OR1F1: variants seen among roughly 807,000 people sequenced by gnomAD.
OR1F1 encodes olfactory receptor family 1 subfamily F member 1.
For synonymous variants in OR1F1, 184 were observed against 156.7 expected, an observed-to-expected ratio of 1.17 and a Z score of -1.30; for missense variants, 493 against 376.3, an observed-to-expected ratio of 1.31 and a Z score of -2.57.
At chr16:3,198,220 G>A in the OR1F1 span, among the ~76,000 whole-genome samples, 2 of 151,966 alleles carry the variant, frequency 1.3e-5, no homozygotes, top group Admixed American at 6.6e-5. Flanking sequence ...AGGCTAACAG[G>A]TCCCCAAGTA....
At chr16:3,193,958 C>G in the OR1F1 span, among the ~76,000 whole-genome samples, 1 of 152,162 alleles carries the variant, frequency 6.6e-6, no homozygotes, top group Admixed American at 6.5e-5. Context: ...CCTCCTAAGC[C>G]AGGGATTGTG....
At chr16:3,192,962 C>A in the OR1F1 span, among the ~76,000 whole-genome samples, 44,672 of 151,972 alleles carry the variant, frequency 0.29, 7,509 homozygotes, top group African/African-American at 0.47. Flanking sequence ...TTTGAAATGG[C>A]GTCTTCCTCT....
At chr16:3,204,417 C>A (rs749787550) in exon 1 of OR1F1, 4 of 1,614,120 alleles carry the variant, frequency 2.5e-6, no homozygotes, top group East Asian at 2.2e-5. Flanking sequence ...GCCTGCACAC[C>A]CCCATGTACT....
At chr16:3,197,338 A>G in the OR1F1 span, among the ~76,000 whole-genome samples, 20 of 152,182 alleles carry the variant, frequency 1.3e-4, no homozygotes, top group Non-Finnish European at 2.8e-4. Flanking sequence ...TCTTAATAAT[A>G]CATTTTATTT....
chr16:3,203,508 GTAATCCCA>G (rs1596325022), upstream of OR1F1, among the ~76,000 whole-genome samples: 2 of 152,226 alleles, frequency 1.3e-5, no homozygotes, highest in Non-Finnish European at 1.5e-5. Context: ...GCTCACGCCT[GTAATCCCA>G]GCACCTTGGG....
chr16:3,191,127 A>G, the OR1F1 span: 1 of 152,192 alleles, frequency 6.6e-6, no homozygotes, highest in Non-Finnish European at 1.5e-5. Flanking sequence ...AATTTGCCCG[A>G]TACACAGCAG....
At chr16:3,205,214 C>A, downstream of OR1F1, 2 of 1,519,346 alleles carry the variant, frequency 1.3e-6, no homozygotes, top group East Asian at 2.3e-5. Flanking sequence ...ATCTCATTCC[C>A]AAGGAAATTT....
At chr16:3,192,205 C>T in the OR1F1 span, among the ~76,000 whole-genome samples, 3 of 152,154 alleles carry the variant, frequency 2.0e-5, no homozygotes, top group Non-Finnish European at 4.4e-5. Flanking sequence ...TACAGGTGCC[C>T]GCCACCACGC....
upstream of OR1F1, among the ~76,000 whole-genome samples, chr16:3,202,891 T>C (rs776141519): frequency 2.6e-4 from 40 of 152,090 alleles, no homozygotes; most frequent in Non-Finnish European, 4.7e-4. Context: ...GTTACTAGCT[T>C]TTCTAAGGCT....
chr16:3,200,907 A>T (rs1355977750), upstream of OR1F1, among the ~76,000 whole-genome samples: 2 of 152,190 alleles, frequency 1.3e-5, no homozygotes, highest in Non-Finnish European at 2.9e-5. Context: ...TGTATGCAAT[A>T]ATCACCATTA....
upstream of OR1F1, among the ~76,000 whole-genome samples, chr16:3,199,668 A>G (rs1298391387): frequency 6.6e-6 from 1 of 152,204 alleles, no homozygotes; most frequent in Non-Finnish European, 1.5e-5. Context: ...CAAGAGACAC[A>G]CAGCAAAACA....
upstream of OR1F1, among the ~76,000 whole-genome samples, chr16:3,200,302 T>A (rs1319762489): frequency 6.6e-6 from 1 of 152,074 alleles, no homozygotes; most frequent in Non-Finnish European, 1.5e-5. Flanking sequence ...CAGGGATATG[T>A]TTTTTACTAT....
At chr16:3,199,266 G>A (rs934853887), upstream of OR1F1, among the ~76,000 whole-genome samples, 2 of 151,522 alleles carry the variant, frequency 1.3e-5, no homozygotes, top group African/African-American at 4.8e-5. Flanking sequence ...TCATACCACT[G>A]CATTCCAGCC....
the OR1F1 span, among the ~76,000 whole-genome samples, chr16:3,193,835 C>G: frequency 2.6e-5 from 4 of 152,080 alleles, no homozygotes; most frequent in African/African-American, 7.2e-5. Context: ...AATAAATGCC[C>G]AAACCAATTC....
Position 3,204,446 on chromosome 16 carries a change from CT to C in OR1F1, c.204del (p.Phe68LeufsTer48), listed in dbSNP as rs1451375885. 1 of 1,614,038 alleles carries C rather than the reference CT, an allele frequency of 6.2e-7. No homozygotes were observed. Among genetic ancestry groups the C allele is most frequent in the Admixed American group, 1.7e-5 (1 of 59,996 alleles). On this transcript the variant is annotated frameshift_variant, in exon 1 of 1. Coordinates refer to ENST00000304646, the Ensembl canonical transcript of OR1F1. LOFTEE classifies it low-confidence loss of function (END_TRUNC). ...ATGTACTTCTTCCTCAGCAACCTGT[CT>C]TTTGTGGACATCTGCTTCTCCTTCA...
At chr16:3,206,321 C>T (rs1320483013), downstream of OR1F1, among the ~76,000 whole-genome samples, 2 of 152,206 alleles carry the variant, frequency 1.3e-5, no homozygotes, top group Non-Finnish European at 1.5e-5. Context: ...CACAGCTGAA[C>T]ATAGACCCTT....
the OR1F1 span, among the ~76,000 whole-genome samples, chr16:3,193,927 G>A: frequency 1.3e-5 from 2 of 152,128 alleles, no homozygotes; most frequent in Non-Finnish European, 2.9e-5. Context: ...TGCCCCAGTG[G>A]CCTGATGGAT....
chr16:3,203,837 G>A (rs537301688), upstream of OR1F1, among the ~76,000 whole-genome samples: 2 of 152,240 alleles, frequency 1.3e-5, no homozygotes, highest in East Asian at 3.9e-4. Flanking sequence ...GCCTCAGAGG[G>A]ACCCTCCTTC....
the OR1F1 span, among the ~76,000 whole-genome samples, chr16:3,191,984 G>A: frequency 6.6e-6 from 1 of 152,202 alleles, no homozygotes; most frequent in Non-Finnish European, 1.5e-5. Flanking sequence ...AGGGCCTGCT[G>A]CTGTGGCTCG....
Sources: gnomAD v4.1 joint callset for allele counts (sites outside exome capture counted in the v4.1 genomes callset) on GRCh38, gnomAD v4.1.1 for gene constraint, MANE v1.5 for transcripts, NCBI Gene and HGNC (gene_info 2026-07-23, HGNC 2026-07-21) for gene names.